Variants in RELN observed in about 807,000 individuals in gnomAD.
The protein encoded by RELN is reelin.
In RELN, 108 loss-of-function variants were observed where a neutral mutation model predicts 427.6. The ratio of observed to expected loss-of-function variants is 0.25; its 90% CI spans 0.22 to 0.30. RELN has a LOEUF of 0.30. RELN is among the 10% of genes least tolerant of loss of function. The probability of loss-of-function intolerance (pLI) is 1.00; values close to 1 mark genes in which losing one functional copy is unlikely to be tolerated. For missense variants in RELN, 3,715 were observed against 4,302.8 expected, an observed-to-expected ratio of 0.86 and a Z score of 3.82; for synonymous variants, 1,524 against 1,513.4, an observed-to-expected ratio of 1.01 and a Z score of -0.16.
In RELN at chr7:103,490,839, C is replaced by A. The variant is rs575743816; in HGVS notation, c.9444-10G>T. 290 of 1,614,058 alleles carry A rather than the reference C, an allele frequency of 1.8e-4. 5 individuals are homozygous for A. The South Asian group carries it at 2.7e-3, about 15-fold the overall frequency. ...CTGCCAGGAATCCGATCTGCAGAAA[C>A]CAAAAGGCTTTGTTAGACAAATTGT... On this transcript the variant is annotated splice_polypyrimidine_tract_variant and intron_variant, in intron 58 of 64. Coordinates refer to ENST00000428762, the MANE Select transcript of RELN (RefSeq NM_005045.4).
chr7:103,500,464 A>C (rs1377104221), intron 53 of RELN, among the ~76,000 whole-genome samples: 1 of 152,210 alleles, frequency 6.6e-6, no homozygotes. Flanking sequence ...ATTGACTTTA[A>C]AAATAGTCTG....
Position 103,635,493 on chromosome 7 carries a change from A to G in RELN, c.2397T>C (p.Tyr799=). The G allele has an allele frequency of 6.2e-7, 1 of 1,614,054 alleles. No homozygotes were observed. Among genetic ancestry groups the G allele is most frequent in the Non-Finnish European group, 8.5e-7 (1 of 1,179,916 alleles). The part of the protein sequence containing the change: ...DQPGEGVLLH[Y]SYDNGITWKL... ...TCCAAGTTATCCCATTATCATAAGA[A>G]TAATGCAACAAAACTCCTTCACCAG... The change falls in exon 19 of 65, where the codon TAT becomes TAC. Residue 799 remains tyrosine, a synonymous_variant. Transcript: ENST00000428762.
In RELN at chr7:103,946,432, C is replaced by T. The variant is rs561649886; in HGVS notation, c.227-29247G>A. Among the ~76,000 whole-genome samples, 14 of 152,068 alleles carry T rather than the reference C, an allele frequency of 9.2e-5. No homozygotes were observed. In the South Asian group the frequency reaches 1.9e-3, roughly 20 times the overall value. ...AAATTAGTATTTACCTAAAATAAAA[C>T]GAATCATTTTGTAAACTGGGTCTGT... is the stretch of plus-strand genomic sequence containing the variant. On this transcript the variant is annotated intron_variant, in intron 1 of 64. Coordinates refer to ENST00000428762, the MANE Select transcript of RELN (RefSeq NM_005045.4).
intron 2 of RELN, among the ~76,000 whole-genome samples, chr7:103,896,190 G>C (rs1423311937): frequency 6.6e-6 from 1 of 152,096 alleles, no homozygotes; most frequent in Non-Finnish European, 1.5e-5. Flanking sequence ...GAATGCTGAA[G>C]ACGCAGAGCA....
chr7:103,796,338 A>C (rs1334016120), intron 3 of RELN, among the ~76,000 whole-genome samples: 1 of 152,220 alleles, frequency 6.6e-6, no homozygotes, highest in African/African-American at 2.4e-5. Context: ...CTCATCTCCC[A>C]GCACATCAAT....
chr7:103,712,193 T>C lies in RELN; in HGVS notation c.805+10947A>G, dbSNP rs185322098. On this transcript the variant is annotated intron_variant, in intron 8 of 64. Coordinates refer to ENST00000428762, the MANE Select transcript of RELN (RefSeq NM_005045.4). ...TTATACATTAATCAAATGCAATCCA[T>C]ATTAAGTATATCAAAATTCTGCTCA... Among the ~76,000 whole-genome samples the C allele has an allele frequency of 2.1e-3, 318 of 152,312 alleles. 1 individual carries two copies. The highest frequency in any genetic ancestry group is 7.3e-3 in the African/African-American group (304 of 41,562).
chr7:103,841,819 G>A (rs1584287455), intron 2 of RELN, among the ~76,000 whole-genome samples: 1 of 152,098 alleles, frequency 6.6e-6, no homozygotes, highest in Non-Finnish European at 1.5e-5. Context: ...ACACATTCAT[G>A]TTGGGTCAAT....
At chr7:103,894,394 C>T (rs949266745) in intron 2 of RELN, among the ~76,000 whole-genome samples, 1 of 152,142 alleles carries the variant, frequency 6.6e-6, no homozygotes, top group Admixed American at 6.6e-5. Context: ...CAAACAAATG[C>T]AATTTCAAAA....
rs545658701 is a variant in RELN, at chr7:103,638,089, A to G, written c.2070-1621T>C. Among the ~76,000 whole-genome samples the G allele has an allele frequency of 2.6e-5, 4 of 152,280 alleles. No individual in the cohort carries two copies. The South Asian group carries it at 6.2e-4, about 24-fold the overall frequency. On this transcript the variant is annotated intron_variant, in intron 17 of 64. Coordinates refer to ENST00000428762, the MANE Select transcript of RELN (RefSeq NM_005045.4). ...AAATATTTTTTAAAAAAAACAAAAAACTTTGTAGTCTTTGTTTCTCAGCAA... is the reference window on the plus strand; with the variant it reads ...AAATATTTTTTAAAAAAAACAAAAAGCTTTGTAGTCTTTGTTTCTCAGCAA...
intron 10 of RELN, among the ~76,000 whole-genome samples, chr7:103,689,706 A>G (rs1239015562): frequency 6.6e-6 from 1 of 152,110 alleles, no homozygotes; most frequent in African/African-American, 2.4e-5. Context: ...AAAAAAATAA[A>G]AACAAAAAGC....
At chr7:103,981,310 G>C (rs186134989) in intron 1 of RELN, among the ~76,000 whole-genome samples, 1 of 152,290 alleles carries the variant, frequency 6.6e-6, no homozygotes, top group East Asian at 1.9e-4. Context: ...AAAATTATCA[G>C]TATATAAGAG....
Position 103,743,309 on chromosome 7 carries a change from T to A in RELN, c.656+6117A>T, listed in dbSNP as rs536613795. On this transcript the variant is annotated intron_variant, in intron 6 of 64. Transcript: ENST00000428762. The stretch of plus-strand genomic sequence containing the variant: ...ACCGGTACCAGCCACTGCAAAAACA[T>A]GCCAAATTGTAAAGAACATCAAGGC... 2.6e-5 allele frequency among the ~76,000 whole-genome samples: 4 copies of A among 152,284 alleles called. No homozygotes were observed. In the South Asian group the frequency reaches 8.3e-4, roughly 32 times the overall value.
At chr7:103,959,587 A>G (rs547240876) in intron 1 of RELN, among the ~76,000 whole-genome samples, 2 of 151,656 alleles carry the variant, frequency 1.3e-5, no homozygotes, top group Admixed American at 6.6e-5. Flanking sequence ...GAACTCTTGA[A>G]GCCAACCTGA....
At chr7:103,478,065 G>A (rs975579193) in intron 64 of RELN, among the ~76,000 whole-genome samples, 1 of 152,102 alleles carries the variant, frequency 6.6e-6, no homozygotes, top group Non-Finnish European at 1.5e-5. Context: ...AGCACTTCAA[G>A]GGCACCCAAT....
At chr7:103,578,823 T>C (rs1831061896) in intron 28 of RELN, among the ~76,000 whole-genome samples, 1 of 152,250 alleles carries the variant, frequency 6.6e-6, no homozygotes, top group African/African-American at 2.4e-5. Context: ...CTTGCAATTG[T>C]TACTACTAAT....
rs944918578 is a variant in RELN, at chr7:103,988,839, C to T, written c.226+292G>A. Among the ~76,000 whole-genome samples the T allele has an allele frequency of 6.6e-6, 1 of 152,146 alleles. No homozygotes were observed. Among genetic ancestry groups the T allele is most frequent in the African/African-American group, 2.4e-5 (1 of 41,434 alleles). ...CAATTTAAAGTGCCTGCGGTAAGTA[C>T]GGGGAGTGAGGGGGAAAGACACCGG... On this transcript the variant is annotated intron_variant, in intron 1 of 64. Transcript: ENST00000428762. The surrounding 1 kb of genome is among the most constrained non-coding windows in gnomAD (Gnocchi z 4.9).
At chr7:103,883,473 G>A (rs980983664) in intron 2 of RELN, among the ~76,000 whole-genome samples, 1 of 152,190 alleles carries the variant, frequency 6.6e-6, no homozygotes, top group East Asian at 1.9e-4. Context: ...TGTTCGAATA[G>A]GAAAAGAGGA....
chr7:103,495,217 G>A (rs905508319), intron 57 of RELN, among the ~76,000 whole-genome samples: 7 of 131,626 alleles, frequency 5.3e-5, no homozygotes, highest in African/African-American at 8.7e-5. Context: ...TCGTTCTGTC[G>A]CCCACAGTGC....
In RELN at chr7:103,603,229, T is replaced by C. The variant is rs1831719993; in HGVS notation, c.3333+75A>G. ...GGGGAACAATAGAACCACTTCATATTTGTACATTTGGAATTCAGAGTCTCA... is the reference window on the plus strand; with the variant it reads ...GGGGAACAATAGAACCACTTCATATCTGTACATTTGGAATTCAGAGTCTCA... On this transcript the variant is annotated intron_variant, in intron 24 of 64. Transcript: ENST00000428762. The surrounding 1 kb of genome is among the most constrained non-coding windows in gnomAD (Gnocchi z 4.3). The C allele has an allele frequency of 1.7e-6, 2 of 1,210,846 alleles. No individual in the cohort carries two copies. Among genetic ancestry groups the C allele is most frequent in the Non-Finnish European group, 2.5e-6 (2 of 813,412 alleles). 75.0% of individuals were successfully genotyped at this position (1,210,846 alleles called of 1,614,324 possible).
Sources: gnomAD v4.1 joint callset for allele counts (sites outside exome capture counted in the v4.1 genomes callset) on GRCh38, gnomAD v4.1.1 for gene constraint, Gnocchi (gnomAD v3.1) non-coding constraint, MANE v1.5 for transcripts, NCBI Gene and HGNC (gene_info 2026-07-23, HGNC 2026-07-21) for gene names.